The following TMEM165 variants were observed in gnomAD, a reference collection of about 807,000 sequenced individuals.
The protein encoded by TMEM165 is transmembrane protein 165.
TMEM165 carries 19 observed loss-of-function variants against 30.0 expected under a neutral mutation model. The observed-to-expected ratio is 0.63, with a 90% CI of 0.44 to 0.93. TMEM165 has a LOEUF of 0.93. Ranked by LOEUF, TMEM165 falls within the 40% of genes least tolerant of loss-of-function variation. The pLI, the probability that TMEM165 is intolerant of heterozygous loss-of-function variation, is 0.00. For missense variants in TMEM165, 340 were observed against 417.0 expected, an observed-to-expected ratio of 0.82 and a Z score of 1.61; for synonymous variants, 168 against 162.9, an observed-to-expected ratio of 1.03 and a Z score of -0.24.
intron 3 of TMEM165, among the ~76,000 whole-genome samples, chr4:55,440,925 C>G (rs1021718655): frequency 2.0e-5 from 3 of 152,126 alleles, no homozygotes; most frequent in African/African-American, 7.2e-5. Flanking sequence ...CCTGACCACA[C>G]CTTTATTCAC....
intron 3 of TMEM165, among the ~76,000 whole-genome samples, chr4:55,445,433 T>G (rs1723726770): frequency 6.6e-6 from 1 of 151,998 alleles, no homozygotes; most frequent in Non-Finnish European, 1.5e-5. Context: ...ATAGCCACAT[T>G]TGCCCCAAGA....
Position 55,417,950 on chromosome 4 carries a change from T to C in TMEM165, c.757T>C (p.Ser253Pro), listed in dbSNP as rs1471267281. ...LTFLAEWGDR[S>P]QLTTIVLAAR... is the part of the protein sequence containing the mutation. ...ATTCTTAGCAGAATGGGGTGATCGC[T>C]CTCAACTAACTACAATTGTATTGGC... Residue 253 changes from serine (S) to proline (P), a missense_variant, in exon 4 of 6, where the codon TCT becomes CCT. Ser to Pro is a moderately conservative substitution (Grantham distance 74). Coordinates refer to ENST00000381334, the MANE Select transcript of TMEM165 (RefSeq NM_018475.5). 1.2e-6 allele frequency: 2 copies of C among 1,612,878 alleles called. No homozygotes were observed. The highest frequency in any genetic ancestry group is 1.7e-6 in the Non-Finnish European group (2 of 1,179,706).
In TMEM165 at chr4:55,396,237, G is replaced by A; in HGVS notation, c.48G>A (p.Leu16=). ...ACGGCCGCGCATCGGCGCCCCGGCTGCTTCTGCTCTTTCTGGTTCCGCTGC... is the reference window on the plus strand; with the variant it reads ...ACGGCCGCGCATCGGCGCCCCGGCTACTTCTGCTCTTTCTGGTTCCGCTGC... ...PGNGRASAPR[L]LLLFLVPLLW... is the part of the protein sequence containing the mutation. The change falls in exon 1 of 6, where the codon CTG becomes CTA. Residue 16 remains leucine (L), a synonymous_variant. Transcript: ENST00000381334. 1 of 1,484,692 alleles carries A rather than the reference G, an allele frequency of 6.7e-7. No individual in the cohort carries two copies. Among genetic ancestry groups the A allele is most frequent in the Non-Finnish European group, 8.9e-7 (1 of 1,123,374 alleles). 92.0% of individuals were successfully genotyped at this position (1,484,692 alleles called of 1,614,324 possible). A position where few individuals can be genotyped will look rare whatever the true frequency, so the allele number is the denominator to read the frequency against.
At chr4:55,449,241 T>C (rs1339218550) in intron 3 of TMEM165, among the ~76,000 whole-genome samples, 1 of 152,154 alleles carries the variant, frequency 6.6e-6, no homozygotes, top group East Asian at 1.9e-4. Flanking sequence ...AACCACTTCA[T>C]ACAAGAAAAG....
intron 2 of TMEM165, among the ~76,000 whole-genome samples, chr4:55,414,627 C>T (rs907140126): frequency 6.6e-6 from 1 of 152,138 alleles, no homozygotes. Flanking sequence ...TCAATAATGT[C>T]CTTTATATCA....
At chr4:55,405,488 C>T (rs1721230325) in intron 1 of TMEM165, among the ~76,000 whole-genome samples, 1 of 152,062 alleles carries the variant, frequency 6.6e-6, no homozygotes, top group South Asian at 2.1e-4. Context: ...TTTTTATCAC[C>T]CCAAGTGGAA....
downstream of TMEM165, chr4:55,429,270 T>C (rs1722366929): frequency 6.6e-6 from 1 of 152,202 alleles, no homozygotes; most frequent in African/African-American, 2.4e-5. Flanking sequence ...AAATATTTTT[T>C]AGATCATTAA....
At chr4:55,396,502 G>A (rs371240522) in intron 1 of TMEM165, 106 bp downstream of exon 1, 3 of 1,009,280 alleles carry the variant, frequency 3.0e-6, no homozygotes, top group Admixed American at 4.3e-5. Flanking sequence ...GGCTGGGGGA[G>A]GGGAGCCCGG....
At chr4:55,416,901 T>G in intron 2 of TMEM165, 171 bp from the exon 3 acceptor site, 1 of 550,376 alleles carries the variant, frequency 1.8e-6, no homozygotes, top group Admixed American at 3.7e-5. Flanking sequence ...TAATGGTTTA[T>G]TATTGGTGGA....
chr4:55,446,611 T>A (rs371281361), intron 3 of TMEM165, among the ~76,000 whole-genome samples: 1 of 152,232 alleles, frequency 6.6e-6, no homozygotes, highest in Non-Finnish European at 1.5e-5. Flanking sequence ...AACGCATACA[T>A]GAATGAAAAT....
intron 1 of TMEM165, among the ~76,000 whole-genome samples, chr4:55,405,081 A>G (rs1721217191): frequency 6.6e-6 from 1 of 152,134 alleles, no homozygotes; most frequent in Non-Finnish European, 1.5e-5. Flanking sequence ...TTCTTTGAAT[A>G]AAGACATTCT....
At chr4:55,403,557 T>G (rs577018379) in intron 1 of TMEM165, among the ~76,000 whole-genome samples, 1 of 113,920 alleles carries the variant, frequency 8.8e-6, no homozygotes, top group Non-Finnish European at 1.9e-5. Context: ...GAAAAGAGTT[T>G]TTATTAAGCA....
intron 4 of TMEM165, 125 bp from the exon 5 acceptor site, chr4:55,424,413 G>A: frequency 1.6e-6 from 1 of 616,390 alleles, no homozygotes; most frequent in South Asian, 2.1e-5. Flanking sequence ...TTATACACCT[G>A]CATTTTTATA....
At position 55,421,800 on chromosome 4, in the gene TMEM165, C is replaced by G. The variant is rs571301748; in HGVS notation, c.793-2738C>G. On this transcript the variant is annotated intron_variant, in intron 4 of 5. Coordinates refer to ENST00000381334, the MANE Select transcript of TMEM165 (RefSeq NM_018475.5). ...TCCCACCCATCACAGTGGCAGCCCC[C>G]TCTGCCCTCCTGTATTCTGAATCCC... Among the ~76,000 whole-genome samples, 6 of 152,298 alleles carry G rather than the reference C, an allele frequency of 3.9e-5. No individual in the cohort carries two copies. In the East Asian group the frequency reaches 1.2e-3, roughly 29 times the overall value.
At chr4:55,448,659 TC>T in intron 3 of TMEM165, 1 of 536,774 alleles carries the variant, frequency 1.9e-6, no homozygotes, top group Non-Finnish European at 3.5e-6. Flanking sequence ...TACCTCAGCC[TC>T]CCAAGTAGCT....
chr4:55,398,204 T>A (rs1720812073), intron 1 of TMEM165, among the ~76,000 whole-genome samples: 1 of 152,218 alleles, frequency 6.6e-6, no homozygotes. Context: ...TAATCGCTAT[T>A]GAGAAATAAT....
At chr4:55,405,950 T>C (rs1248007696) in intron 1 of TMEM165, among the ~76,000 whole-genome samples, 1 of 152,238 alleles carries the variant, frequency 6.6e-6, no homozygotes, top group Admixed American at 6.5e-5. Context: ...TCTCAGAACA[T>C]GCCTATATTC....
chr4:55,437,477 G>C (rs994217525), intron 3 of TMEM165, among the ~76,000 whole-genome samples: 1 of 152,144 alleles, frequency 6.6e-6, no homozygotes, highest in African/African-American at 2.4e-5. Flanking sequence ...ACTTTCTTCT[G>C]TATCCTATAG....
In TMEM165 at chr4:55,450,278, G is replaced by A. The variant is rs768354287; in HGVS notation, c.409-1961G>A. ...AAATGTTTTCTTGTGGTTCAGTTCA[G>A]AGATCTCAAATTCACAATACTGTTA... On this transcript the variant is annotated intron_variant, in intron 3 of 3. Coordinates refer to the TMEM165 transcript ENST00000608091. The A allele has an allele frequency of 1.9e-6, 3 of 1,611,406 alleles. No homozygotes were observed. The East Asian group carries it at 6.7e-5, about 36-fold the overall frequency.
Sources: allele counts gnomAD v4.1 joint callset (sites outside exome capture counted in the v4.1 genomes callset), GRCh38; gene constraint gnomAD v4.1.1; transcripts MANE v1.5; gene names NCBI Gene and HGNC (gene_info 2026-07-23, HGNC 2026-07-21).